Variants in STXBP5L observed in about 807,000 individuals in gnomAD.
STXBP5L encodes syntaxin-binding protein 5-like.
In STXBP5L, 65 loss-of-function variants were observed where a neutral mutation model predicts 144.5. The ratio of observed to expected loss-of-function variants is 0.45; its 90% CI spans 0.37 to 0.55. The LOEUF (loss-of-function observed/expected upper bound fraction) is 0.55. STXBP5L is among the 20% of genes least tolerant of loss of function. The pLI is 0.00. For synonymous variants in STXBP5L, 505 were observed against 469.6 expected, an observed-to-expected ratio of 1.08 and a Z score of -0.97; for missense variants, 1,298 against 1,405.5, an observed-to-expected ratio of 0.92 and a Z score of 1.22.
At chr3:121,356,779 G>T (rs1392897950) in intron 20 of STXBP5L, among the ~76,000 whole-genome samples, 2 of 152,182 alleles carry the variant, frequency 1.3e-5, no homozygotes, top group Non-Finnish European at 2.9e-5. Context: ...TATCAATCAC[G>T]CTGGAAGCTG....
intron 2 of STXBP5L, among the ~76,000 whole-genome samples, chr3:120,950,075 A>G (rs1263208865): frequency 6.6e-6 from 1 of 152,044 alleles, no homozygotes; most frequent in African/African-American, 2.4e-5. Flanking sequence ...TTAAAAAATA[A>G]TTTAAAAAAA....
intron 3 of STXBP5L, among the ~76,000 whole-genome samples, chr3:120,998,392 T>C (rs879930473): frequency 5.3e-5 from 8 of 152,108 alleles, no homozygotes; most frequent in Non-Finnish European, 1.0e-4. Flanking sequence ...AGTTTTTTTT[T>C]AATATTATAC....
At chr3:121,014,520 C>G (rs888762813) in intron 3 of STXBP5L, among the ~76,000 whole-genome samples, 1 of 151,924 alleles carries the variant, frequency 6.6e-6, no homozygotes, top group African/African-American at 2.4e-5. Flanking sequence ...GAGTAGTATA[C>G]AAATGTATAG....
intron 8 of STXBP5L, among the ~76,000 whole-genome samples, chr3:121,154,082 C>T (rs2046032602): frequency 6.6e-6 from 1 of 151,740 alleles, no homozygotes; most frequent in Non-Finnish European, 1.5e-5. Context: ...ATGGAAGAAA[C>T]GTTTTGAGCC....
intron 2 of STXBP5L, among the ~76,000 whole-genome samples, chr3:120,945,380 A>AT (rs1440419861): frequency 6.6e-6 from 1 of 151,816 alleles, no homozygotes; most frequent in Non-Finnish European, 1.5e-5. Flanking sequence ...TATAGGTATT[A>AT]TTATTATTTT....
intron 23 of STXBP5L, among the ~76,000 whole-genome samples, chr3:121,407,826 T>C (rs773971712): frequency 6.6e-6 from 1 of 152,010 alleles, no homozygotes; most frequent in Non-Finnish European, 1.5e-5. Flanking sequence ...GCATTGTGAG[T>C]GAAATATATT....
chr3:120,992,338 A>G (rs1471537798), intron 3 of STXBP5L, among the ~76,000 whole-genome samples: 2 of 152,106 alleles, frequency 1.3e-5, no homozygotes, highest in Non-Finnish European at 2.9e-5. Context: ...TTTGAAATAT[A>G]AAACAACATT....
At chr3:121,143,373 C>T (rs2107949087) in intron 7 of STXBP5L, among the ~76,000 whole-genome samples, 1 of 149,670 alleles carries the variant, frequency 6.7e-6, no homozygotes. Context: ...AAATATATCA[C>T]AAGAAAATAA....
rs1008856976 is a variant in STXBP5L at position 121,372,235 on chromosome 3, G to A, written c.2177-6481G>A. ...TAGCCAGGCTGGGGGCCTGGGAGAG[G>A]CCAGAAGACTGAGGGGTGCTTAGGT... is the stretch of plus-strand genomic sequence containing the variant. On this transcript the variant is annotated intron_variant, in intron 20 of 26. Coordinates refer to ENST00000471454, the MANE Select transcript of STXBP5L (RefSeq NM_001308330.2). 4.6e-5 allele frequency among the ~76,000 whole-genome samples: 7 copies of A among 152,208 alleles called. No individual in the cohort carries two copies. The East Asian group carries it at 1.2e-3, about 25-fold the overall frequency.
chr3:121,034,975 A>G (rs1413083618), intron 3 of STXBP5L, among the ~76,000 whole-genome samples: 1 of 152,120 alleles, frequency 6.6e-6, no homozygotes, highest in African/African-American at 2.4e-5. Context: ...ATAGTGTTGT[A>G]GAGCATTTTT....
At chr3:121,198,009 C>A (rs1247844273) in intron 9 of STXBP5L, among the ~76,000 whole-genome samples, 2 of 151,986 alleles carry the variant, frequency 1.3e-5, no homozygotes, top group African/African-American at 4.8e-5. Flanking sequence ...GGATATATAC[C>A]CAGGAGTGGG....
At chr3:121,350,042 T>C (rs1381324673) in intron 20 of STXBP5L, among the ~76,000 whole-genome samples, 1 of 152,134 alleles carries the variant, frequency 6.6e-6, no homozygotes, top group Non-Finnish European at 1.5e-5. Flanking sequence ...TGATGCAGTT[T>C]CTCCCTAGCC....
intron 20 of STXBP5L, among the ~76,000 whole-genome samples, chr3:121,353,247 A>T (rs1378938352): frequency 1.3e-5 from 2 of 152,184 alleles, no homozygotes; most frequent in Non-Finnish European, 2.9e-5. Flanking sequence ...GAATAGTTTC[A>T]GAGGGAATGG....
chr3:121,089,092 TAA>T (rs375977537), intron 5 of STXBP5L, among the ~76,000 whole-genome samples: 1,857 of 56,120 alleles, frequency 0.033, 2 homozygotes, highest in African/African-American at 0.07. Context: ...TAGAGTATAA[TAA>T]AAAAAAAAAA....
intron 3 of STXBP5L, among the ~76,000 whole-genome samples, chr3:121,035,553 G>T (rs562705773): frequency 2.6e-5 from 4 of 152,040 alleles, no homozygotes; most frequent in Non-Finnish European, 5.9e-5. Context: ...TCTCGATTCT[G>T]TTCTATTGAG....
rs143295271 is a variant in STXBP5L at position 121,214,665 on chromosome 3, A to G, written c.957-8338A>G. On this transcript the variant is annotated intron_variant, in intron 10 of 26. Coordinates refer to ENST00000471454, the MANE Select transcript of STXBP5L (RefSeq NM_001308330.2). ...AGAATAAGTTCATTGTGGCACTGAG[A>G]AGAATGTATATTCTGTTGATTTGTG... Among the ~76,000 whole-genome samples, 45 of 152,334 alleles carry G rather than the reference A, an allele frequency of 3.0e-4. No homozygotes were observed. In the East Asian group the frequency reaches 8.3e-3, roughly 28 times the overall value.
intron 9 of STXBP5L, among the ~76,000 whole-genome samples, chr3:121,188,825 A>G (rs2047510239): frequency 6.6e-6 from 1 of 152,230 alleles, no homozygotes; most frequent in Non-Finnish European, 1.5e-5. Flanking sequence ...AATAAGAGCT[A>G]TTTATGACAA....
intron 20 of STXBP5L, among the ~76,000 whole-genome samples, chr3:121,362,528 A>AG (rs1311666602): frequency 6.6e-6 from 1 of 152,074 alleles, no homozygotes; most frequent in Non-Finnish European, 1.5e-5. Flanking sequence ...CCAGGCCATG[A>AG]GAAGTACTGT....
chr3:121,371,098 C>A (rs868251473), intron 20 of STXBP5L, among the ~76,000 whole-genome samples: 2 of 152,162 alleles, frequency 1.3e-5, no homozygotes, highest in Non-Finnish European at 2.9e-5. Context: ...TTTGAGTGGT[C>A]GGAGTTCTTG....
Sources: gnomAD v4.1 joint callset for allele counts (sites outside exome capture counted in the v4.1 genomes callset) on GRCh38, gnomAD v4.1.1 for gene constraint, MANE v1.5 for transcripts, NCBI Gene and HGNC (gene_info 2026-07-23, HGNC 2026-07-21) for gene names.